GLRX: variants seen among roughly 807,000 people sequenced by gnomAD.
GLRX encodes the protein glutaredoxin-1.
A neutral mutation model predicts 11.1 loss-of-function variants in GLRX; 9 were observed. That is an observed-to-expected ratio of 0.81 (90% CI 0.49 to 1.42). The LOEUF is 1.42. Among genes scored for constraint, GLRX ranks in the 40% most tolerant of loss-of-function variants. The pLI, the probability that GLRX is intolerant of heterozygous loss-of-function variation, is 0.00. For synonymous variants in GLRX, 49 were observed against 49.5 expected (o/e 0.99, Z 0.04); for missense variants, 102 against 126.2 (o/e 0.81, Z 0.92).
chr5:95,817,374 C>T (rs1485515317), intron 1 of GLRX: 2 of 152,572 alleles, frequency 1.3e-5, no homozygotes, highest in East Asian at 3.8e-4. Context: ...GTGATGGTGC[C>T]ATTGCACTCA....
intron 1 of GLRX, among the ~76,000 whole-genome samples, chr5:95,820,458 C>T (rs1747189345): frequency 6.6e-6 from 1 of 151,562 alleles, no homozygotes; most frequent in Non-Finnish European, 1.5e-5. Flanking sequence ...TAGCTCACAC[C>T]TGCACTTTGG....
At chr5:95,814,774 A>G (rs1048570297) in intron 2 of GLRX, 3 of 152,540 alleles carry the variant, frequency 2.0e-5, no homozygotes, top group Non-Finnish European at 4.4e-5. Flanking sequence ...CACATCCAGA[A>G]GAAAACCAAG....
At chr5:95,821,418 C>T (rs1367027017) in intron 1 of GLRX, among the ~76,000 whole-genome samples, 2 of 152,078 alleles carry the variant, frequency 1.3e-5, no homozygotes, top group Admixed American at 1.3e-4. Context: ...AGTAGGATAA[C>T]ACACTAAGCC....
chr5:95,815,766 A>C (rs1383049921), intron 2 of GLRX, among the ~76,000 whole-genome samples: 1 of 152,188 alleles, frequency 6.6e-6, no homozygotes, highest in Non-Finnish European at 1.5e-5. Context: ...ATTTTAGAAA[A>C]CTTTGTTTTG....
chr5:95,816,682 T>C, intron 1 of GLRX, 56 bp from the exon 2 acceptor site: 1 of 881,974 alleles, frequency 1.1e-6, no homozygotes, highest in Non-Finnish European at 1.9e-6. Flanking sequence ...ACAGAACATT[T>C]CTATCCTACC....
chr5:95,821,351 C>T (rs1208356788), intron 1 of GLRX, among the ~76,000 whole-genome samples: 1 of 152,136 alleles, frequency 6.6e-6, no homozygotes, highest in African/African-American at 2.4e-5. Context: ...GGTGGTCCCA[C>T]TAGGCAGCAA....
At chr5:95,819,897 CAAAAAA>C (rs35347478) in intron 1 of GLRX, among the ~76,000 whole-genome samples, 700 of 54,180 alleles carry the variant, frequency 0.013, 4 homozygotes, top group African/African-American at 0.052. Context: ...GACTCCGTCT[CAAAAAA>C]AAAAAAAAAA....
chr5:95,819,466 G>A (rs576258971), intron 1 of GLRX: 25 of 152,248 alleles, frequency 1.6e-4, no homozygotes, highest in African/African-American at 5.1e-4. Flanking sequence ...AATAAATGAA[G>A]GCACTAATTT....
Position 95,814,308 on chromosome 5 carries a change from A to G in GLRX, c.*88T>C, listed in dbSNP as rs1319480743. 6.6e-6 allele frequency: 1 copy of G among 152,664 alleles called. No homozygotes were observed. The highest frequency in any genetic ancestry group is 1.9e-4 in the East Asian group (1 of 5,202). The allele number at this position is 152,664 out of a possible 1,614,324, so 9.5% of individuals were successfully genotyped here. On this transcript the variant is annotated 3_prime_UTR_variant, in exon 3 of 3. Coordinates refer to ENST00000237858, the MANE Select transcript of GLRX (RefSeq NM_001118890.2). ...TTGTGCCTCTGATCCATATGACACC[A>G]AGACCAACTATGCTTTTCATATGAT...
chr5:95,819,128 TATTAC>T (rs1213243708), intron 1 of GLRX: 2 of 152,242 alleles, frequency 1.3e-5, no homozygotes, highest in East Asian at 3.8e-4. Context: ...CATACTGTTT[TATTAC>T]TGTATTTGTT....
At chr5:95,817,040 G>A (rs1397555736) in intron 1 of GLRX, 1 of 162,996 alleles carries the variant, frequency 6.1e-6, no homozygotes, top group African/African-American at 2.4e-5. Flanking sequence ...TCTAAATACA[G>A]CTGGAAAAGT....
chr5:95,822,336 C>G, intron 1 of GLRX, 120 bp downstream of exon 1: 1 of 710,882 alleles, frequency 1.4e-6, no homozygotes, highest in Non-Finnish European at 2.4e-6. Context: ...CCCCCCGCCC[C>G]GCACAGCCCT....
intron 1 of GLRX, among the ~76,000 whole-genome samples, chr5:95,821,565 A>G (rs913987927): frequency 6.6e-6 from 1 of 152,164 alleles, no homozygotes; most frequent in Admixed American, 6.5e-5. Flanking sequence ...TTGGCCTAAC[A>G]CTGTGCTGTA....
Position 95,822,665 on chromosome 5 carries a change from C to G in GLRX, c.-3G>C. 3.7e-6 allele frequency: 6 copies of G among 1,613,094 alleles called. No individual in the cohort carries two copies. Among genetic ancestry groups the G allele is most frequent in the Non-Finnish European group, 4.2e-6 (5 of 1,179,174 alleles). ...CAGTTCACAAACTCTTGAGCCATGC[C>G]GATGGGCTGCGGTCTCCCCGGGAAG... On this transcript the variant is annotated 5_prime_UTR_variant, in exon 1 of 3. Coordinates refer to ENST00000237858, the MANE Select transcript of GLRX (RefSeq NM_001118890.2).
At chr5:95,822,337 G>A (rs1265519496) in intron 1 of GLRX, 119 bp downstream of exon 1, 20 of 445,200 alleles carry the variant, frequency 4.5e-5, no homozygotes, top group Middle Eastern at 6.0e-4. Context: ...CCCCCGCCCC[G>A]CACAGCCCTC....
intron 1 of GLRX, 163 bp from the exon 2 acceptor site, chr5:95,816,789 T>C (rs955688): frequency 1.9e-6 from 1 of 532,722 alleles, no homozygotes; most frequent in East Asian, 3.2e-5. Context: ...TTATAAGGGG[T>C]AACATTATTA....
chr5:95,822,047 C>T (rs777125657), intron 1 of GLRX, among the ~76,000 whole-genome samples: 19 of 152,182 alleles, frequency 1.2e-4, no homozygotes, highest in Non-Finnish European at 2.4e-4. Flanking sequence ...GAATGAAGAA[C>T]ATGAATCTCA....
At chr5:95,816,285 A>G in intron 2 of GLRX, 1 of 491,242 alleles carries the variant, frequency 2.0e-6, no homozygotes, top group Non-Finnish European at 3.7e-6. Context: ...GCACATGCTT[A>G]ATAAATATTT....
intron 1 of GLRX, chr5:95,817,924 A>AT (rs1272197927): frequency 6.6e-5 from 10 of 152,248 alleles, no homozygotes; most frequent in Non-Finnish European, 7.3e-5. Flanking sequence ...AAGGGGCTTC[A>AT]TTATTGTGGA....
Sources: allele counts gnomAD v4.1 joint callset (sites outside exome capture counted in the v4.1 genomes callset), GRCh38; gene constraint gnomAD v4.1.1; transcripts MANE v1.5; gene names NCBI Gene and HGNC (gene_info 2026-07-23, HGNC 2026-07-21).